The following WASHC2C variants were observed in gnomAD, a reference collection of about 807,000 sequenced individuals.
WASHC2C encodes Vaccinia Penetration Factor.
Under a neutral mutation model 142.2 loss-of-function variants are expected in WASHC2C, and 73 were observed. The observed-to-expected ratio is 0.51, with a 90% confidence interval of 0.43 to 0.62. The LOEUF (loss-of-function observed/expected upper bound fraction) is 0.62, where lower values mean the gene tolerates loss of function less well. Ranked by LOEUF, WASHC2C falls within the 20% of genes least tolerant of loss-of-function variation. The pLI is 0.00. For missense variants in WASHC2C, 969 were observed against 1,531.7 expected (o/e 0.63, Z 6.13); for synonymous variants, 337 against 565.5 (o/e 0.60, Z 5.73).
intron 6 of WASHC2C, among the ~76,000 whole-genome samples, chr10:45,744,610 T>C (rs1264292515): frequency 6.6e-6 from 1 of 152,218 alleles, no homozygotes; most frequent in Non-Finnish European, 1.5e-5. Context: ...TTTTTTTTTA[T>C]TTGTAATGAA....
intron 13 of WASHC2C, among the ~76,000 whole-genome samples, chr10:45,754,078 T>C (rs1346407007): frequency 6.6e-6 from 1 of 151,968 alleles, no homozygotes; most frequent in Non-Finnish European, 1.5e-5. Context: ...TTTATTTTTT[T>C]ACTGATGACT....
chr10:45,765,903 T>A, intron 19 of WASHC2C, 93 bp downstream of exon 19: 1 of 1,525,020 alleles, frequency 6.6e-7, no homozygotes, highest in Non-Finnish European at 8.9e-7. Flanking sequence ...GTTTTATATC[T>A]CGTGATGTTC....
In WASHC2C at chr10:45,786,619, C is replaced by T. The variant is rs1554890194; in HGVS notation, c.2819C>T (p.Ser940Leu). ...IWKPETPQDSSGLAPFKTKEP... is the reference protein window; with the variant it reads ...IWKPETPQDSLGLAPFKTKEP... The stretch of plus-strand genomic sequence containing the variant: ...GGATGTAATCTTACACAGGACTCAT[C>T]AGGTCTCGCTCCATTTAAAACCAAA... The change falls in exon 27 of 31, where the codon TCA becomes TTA. Residue 940 changes from serine to leucine, a missense_variant. By Grantham distance (145) the Ser-to-Leu change is moderately radical. Transcript: ENST00000623400. The T allele has an allele frequency of 6.2e-7, 1 of 1,611,586 alleles. No homozygotes were observed. The highest frequency in any genetic ancestry group is 1.7e-5 in the Admixed American group (1 of 60,012).
chr10:45,730,626 C>CTTTT (rs782754823), intron 3 of WASHC2C, among the ~76,000 whole-genome samples: 1 of 130,852 alleles, frequency 7.6e-6, no homozygotes, highest in Non-Finnish European at 1.7e-5. Flanking sequence ...TGGGAAGTTT[C>CTTTT]TTTTTTTTTT....
Position 45,750,844 on chromosome 10 carries a change from C to G in WASHC2C, c.931+6C>G. The G allele has an allele frequency of 6.5e-7, 1 of 1,547,644 alleles. No homozygotes were observed. The highest frequency in any genetic ancestry group is 8.7e-7 in the Non-Finnish European group (1 of 1,146,686). On this transcript the variant is annotated splice_donor_region_variant and intron_variant, in intron 10 of 30. Coordinates refer to ENST00000623400, the MANE Select transcript of WASHC2C (RefSeq NM_001330074.2). ...AGTGGACGAGGAGCCGACAAGTGAG[C>G]CCCAGCCACGTTGATGGGGAGTAGG...
At chr10:45,759,286 T>TTCC in intron 16 of WASHC2C, 29 bp from the exon 17 acceptor site, 9 of 555,580 alleles carry the variant, frequency 1.6e-5, no homozygotes, top group Admixed American at 6.1e-5. Context: ...CTTTTTTTCT[T>TTCC]CCCCACCCCC....
At chr10:45,773,576 A>G (rs2056800894) in intron 21 of WASHC2C, among the ~76,000 whole-genome samples, 1 of 152,300 alleles carries the variant, frequency 6.6e-6, no homozygotes, top group African/African-American at 2.4e-5. Flanking sequence ...AGGCACAAGG[A>G]ACTGGGTCTC....
chr10:45,789,373 A>C lies in WASHC2C; in HGVS notation c.3590A>C (p.Asn1197Thr). 6.2e-7 allele frequency: 1 copy of C among 1,612,064 alleles called. No homozygotes were observed. The highest frequency in any genetic ancestry group is 8.5e-7 in the Non-Finnish European group (1 of 1,179,862). The change falls in exon 29 of 31, where the codon AAT (asparagine) becomes ACT (threonine). Residue 1197 changes from asparagine (N) to threonine (T), a missense_variant. Transcript: ENST00000623400. ...AAACCAAAACCAGCAAAGAAAACAA[A>C]TCCCTTTCCTCTCCTGGAAGATGAG... is the stretch of plus-strand genomic sequence containing the variant. ...SAKPKPAKKT[N>T]PFPLLEDEDD...
intron 25 of WASHC2C, 126 bp downstream of exon 25, chr10:45,785,027 A>G (rs2057926063): frequency 6.2e-7 from 1 of 1,601,500 alleles, no homozygotes; most frequent in Non-Finnish European, 8.5e-7. Context: ...AATGAATGGC[A>G]AATAACATGC....
chr10:45,734,391 T>A (rs146713307), intron 3 of WASHC2C, among the ~76,000 whole-genome samples: 7,645 of 147,334 alleles, frequency 0.052, 251 homozygotes, highest in African/African-American at 0.095. Context: ...GTGTGTATTT[T>A]CATTTGCAGC....
intron 26 of WASHC2C, among the ~76,000 whole-genome samples, chr10:45,786,135 A>C (rs1349505627): frequency 2.6e-5 from 4 of 152,174 alleles, no homozygotes; most frequent in African/African-American, 7.2e-5. Flanking sequence ...CAGGTGTCCC[A>C]GGGTGTCTCA....
chr10:45,733,364 G>A (rs1185005678), intron 3 of WASHC2C, among the ~76,000 whole-genome samples: 1 of 152,076 alleles, frequency 6.6e-6, no homozygotes, highest in African/African-American at 2.4e-5. Context: ...AAATGAAAGG[G>A]GACCAGGGCT....
intron 14 of WASHC2C, among the ~76,000 whole-genome samples, 172 bp downstream of exon 14, chr10:45,754,717 A>C (rs538271067): frequency 1.9e-4 from 29 of 152,264 alleles, no homozygotes; most frequent in African/African-American, 7.0e-4. Context: ...TTATTCTCCT[A>C]GAGCTCAGTG....
At chr10:45,736,334 A>AG (rs2051244073) in intron 3 of WASHC2C, among the ~76,000 whole-genome samples, 1 of 131,142 alleles carries the variant, frequency 7.6e-6, no homozygotes, top group African/African-American at 2.8e-5. Context: ...TGAACCCAGG[A>AG]GGCAGAGCTT....
At chr10:45,791,765 C>G (rs2058407357) in intron 30 of WASHC2C, among the ~76,000 whole-genome samples, 1 of 146,098 alleles carries the variant, frequency 6.8e-6, no homozygotes, top group African/African-American at 2.5e-5. Context: ...ATAAGACAAG[C>G]TTTTGAGTCA....
intron 3 of WASHC2C, among the ~76,000 whole-genome samples, chr10:45,730,452 A>G (rs1242600190): frequency 7.0e-6 from 1 of 142,536 alleles, no homozygotes; most frequent in Non-Finnish European, 1.5e-5. Flanking sequence ...CAGGGACTCT[A>G]GACTCAACTT....
chr10:45,792,321 A>C lies in WASHC2C; in HGVS notation c.3947A>C (p.Gln1316Pro). Residue 1316 changes from glutamine (Q) to proline (P), a missense_variant, in exon 31 of 31, where the codon CAG (glutamine) becomes CCG (proline). Transcript: ENST00000623400. The stretch of plus-strand genomic sequence containing the variant: ...ACCAAACCAAAAAGCCGATCTGCAC[A>C]GGCCGCACCTGAACCAAGATTTGAA... ...KTTKPKSRSA[Q>P]AAPEPRFEHK... The C allele has an allele frequency of 6.4e-7, 1 of 1,565,314 alleles. No homozygotes were observed.
chr10:45,743,230 A>T (rs1316584979), intron 5 of WASHC2C, among the ~76,000 whole-genome samples, 160 bp from the exon 6 acceptor site: 26 of 152,310 alleles, frequency 1.7e-4, no homozygotes, highest in African/African-American at 5.1e-4. Flanking sequence ...AGTGAAAAAA[A>T]GAATTTTTTT....
At chr10:45,775,744 G>A (rs1281141817) in intron 21 of WASHC2C, among the ~76,000 whole-genome samples, 4 of 148,628 alleles carry the variant, frequency 2.7e-5, no homozygotes, top group South Asian at 2.1e-4. Flanking sequence ...GTGCAGTGGC[G>A]CATCTCGGCT....
Sources: allele counts gnomAD v4.1 joint callset (sites outside exome capture counted in the v4.1 genomes callset), GRCh38; gene constraint gnomAD v4.1.1; transcripts MANE v1.5; gene names NCBI Gene and HGNC (gene_info 2026-07-23, HGNC 2026-07-21).